TUBB3: variants seen among roughly 807,000 people sequenced by gnomAD.
TUBB3 encodes the protein tubulin beta-3 chain.
A neutral mutation model predicts 37.8 loss-of-function variants in TUBB3; 17 were observed. That is an observed-to-expected ratio of 0.45 (90% CI 0.31 to 0.67). The LOEUF is 0.67. Among genes scored for constraint, TUBB3 ranks in the 30% least tolerant of loss-of-function variants. TUBB3 has a pLI of 0.07. For synonymous variants in TUBB3, 332 were observed against 278.9 expected (o/e 1.19, Z -1.90); for missense variants, 262 against 657.9 (o/e 0.40, Z 6.58).
intron 1 of TUBB3, among the ~76,000 whole-genome samples, chr16:89,929,617 C>T (rs893122676): frequency 6.6e-6 from 1 of 152,236 alleles, no homozygotes; most frequent in Non-Finnish European, 1.5e-5. Context: ...AGAAGCTCCT[C>T]CCAGTCTGGG....
At chr16:89,925,118 AG>A (rs990195534) in intron 1 of TUBB3, among the ~76,000 whole-genome samples, 2 of 152,158 alleles carry the variant, frequency 1.3e-5, no homozygotes, top group African/African-American at 4.8e-5. Context: ...TCTAGAAGTC[AG>A]GTGCACATGC....
intron 1 of TUBB3, among the ~76,000 whole-genome samples, chr16:89,924,786 G>T (rs1210461907): frequency 6.6e-6 from 1 of 152,114 alleles, no homozygotes; most frequent in African/African-American, 2.4e-5. Context: ...CTGGGGGAGG[G>T]GAGACCTGGG....
chr16:89,932,538 G>C, intron 1 of TUBB3, 33 bp from the exon 2 acceptor site: 1 of 1,588,836 alleles, frequency 6.3e-7, no homozygotes, highest in Non-Finnish European at 8.6e-7. Flanking sequence ...CTATGGGCCG[G>C]TGCCGACCCC....
intron 1 of TUBB3, among the ~76,000 whole-genome samples, chr16:89,924,465 CG>C (rs55665107): frequency 0.47 from 66,811 of 140,854 alleles, 16,973 homozygotes; most frequent in African/African-American, 0.73. Context: ...AACAGGGGAT[CG>C]GGGGGGGAGG....
rs758044135 is a variant in TUBB3, at chr16:89,935,213, C to T, written c.762C>T (p.Ala254=). 10 of 1,613,912 alleles carry T rather than the reference C, an allele frequency of 6.2e-6. No individual in the cohort carries two copies. Among genetic ancestry groups the T allele is most frequent in the African/African-American group, 4.0e-5 (3 of 75,076 alleles). ...GQLNADLRKL[A]VNMVPFPRLH... ...TCAACGCTGACCTGCGCAAGCTGGCCGTCAACATGGTGCCCTTCCCGCGCC... is the reference window on the plus strand; with the variant it reads ...TCAACGCTGACCTGCGCAAGCTGGCTGTCAACATGGTGCCCTTCCCGCGCC... The change falls in exon 4 of 4, where the codon GCC becomes GCT. Residue 254 remains alanine (A), a synonymous_variant. Transcript: ENST00000315491.
intron 1 of TUBB3, among the ~76,000 whole-genome samples, chr16:89,929,479 C>G (rs540334803): frequency 1.3e-5 from 2 of 152,030 alleles, no homozygotes; most frequent in Non-Finnish European, 2.9e-5. Context: ...CCATGCTGTC[C>G]GCGTTACAAT....
At chr16:89,929,276 T>A (rs1021739808) in intron 1 of TUBB3, among the ~76,000 whole-genome samples, 76 of 152,190 alleles carry the variant, frequency 5.0e-4, no homozygotes, top group African/African-American at 1.6e-3. Flanking sequence ...ATCATTTTTG[T>A]AATTTAAAAA....
At chr16:89,927,697 A>C (rs770741874) in intron 1 of TUBB3, among the ~76,000 whole-genome samples, 9 of 152,250 alleles carry the variant, frequency 5.9e-5, no homozygotes, top group Non-Finnish European at 1.0e-4. Flanking sequence ...TAAGGCCTGG[A>C]TGTGGGCACC....
At chr16:89,929,077 C>T (rs1464442558) in intron 1 of TUBB3, among the ~76,000 whole-genome samples, 1 of 151,384 alleles carries the variant, frequency 6.6e-6, no homozygotes, top group Non-Finnish European at 1.5e-5. Context: ...ATTCTCGTGT[C>T]TCAGACTCTG....
intron 1 of TUBB3, among the ~76,000 whole-genome samples, chr16:89,929,664 G>C (rs1003003741): frequency 1.3e-5 from 2 of 152,260 alleles, no homozygotes; most frequent in Non-Finnish European, 2.9e-5. Context: ...ACATCTACCA[G>C]AGGCACCCAC....
At chr16:89,923,210 A>C, upstream of TUBB3, 1 of 230,406 alleles carries the variant, frequency 4.3e-6, no homozygotes, top group Non-Finnish European at 8.1e-6. Context: ...GCGGGCGGGG[A>C]CGCGCGGTGC....
chr16:89,925,545 A>G (rs1207806912), intron 1 of TUBB3, among the ~76,000 whole-genome samples: 1 of 152,044 alleles, frequency 6.6e-6, no homozygotes, highest in Non-Finnish European at 1.5e-5. Flanking sequence ...GCAATGAACT[A>G]TGACCGCACC....
At chr16:89,927,109 T>C (rs959260305) in intron 1 of TUBB3, among the ~76,000 whole-genome samples, 1 of 150,996 alleles carries the variant, frequency 6.6e-6, no homozygotes, top group Non-Finnish European at 1.5e-5. Flanking sequence ...GTGCGGTGGC[T>C]CACACCTGTA....
intron 1 of TUBB3, among the ~76,000 whole-genome samples, chr16:89,929,197 A>G (rs1431406261): frequency 1.3e-5 from 2 of 149,714 alleles, no homozygotes; most frequent in African/African-American, 4.9e-5. Flanking sequence ...TCCTGACTTC[A>G]AGTGATCTGC....
rs1014575825 is a variant in TUBB3 at position 89,923,370 on chromosome 16, C to T, written c.-32C>T. On this transcript the variant is annotated 5_prime_UTR_variant, in exon 1 of 4. Coordinates refer to ENST00000315491, the MANE Select transcript of TUBB3 (RefSeq NM_006086.4). ...AGCAGCCAGCCCGGCCCGCCCGCGC[C>T]CGTCCGCAGCCGCCCGCCAGACGCG... 11 of 1,450,360 alleles carry T rather than the reference C, an allele frequency of 7.6e-6. No individual in the cohort carries two copies. The highest frequency in any genetic ancestry group is 1.0e-5 in the Non-Finnish European group (11 of 1,097,044). The allele number at this position is 1,450,360 out of a possible 1,614,324, so 89.8% of individuals were successfully genotyped here. A position where few individuals can be genotyped will look rare whatever the true frequency, so the allele number is the denominator to read the frequency against.
At chr16:89,932,448 C>A in intron 1 of TUBB3, 123 bp from the exon 2 acceptor site, 1 of 753,640 alleles carries the variant, frequency 1.3e-6, no homozygotes, top group South Asian at 1.5e-5. Flanking sequence ...CTGAATGGGG[C>A]TCGTGGAGGC....
rs1246567849 is a variant in TUBB3, at chr16:89,935,792, G to A, written c.1341G>A (p.Gln447=). 1 of 1,613,172 alleles carries A rather than the reference G, an allele frequency of 6.2e-7. No individual in the cohort carries two copies. The highest frequency in any genetic ancestry group is 2.2e-5 in the East Asian group (1 of 44,876). Reference sequence around the variant, plus strand: ...ACGACGAGGAGGAGTCGGAGGCCCAGGGCCCCAAGTGAAGCTGCTCGCAGC... The same window carrying A: ...ACGACGAGGAGGAGTCGGAGGCCCAAGGCCCCAAGTGAAGCTGCTCGCAGC... The part of the protein sequence containing the change: ...YEDDEEESEA[Q]GPK The change falls in exon 4 of 4, where the codon CAG becomes CAA. Residue 447 remains glutamine, a synonymous_variant. Transcript: ENST00000315491.
upstream of TUBB3, among the ~76,000 whole-genome samples, chr16:89,923,083 C>T (rs994493193): frequency 1.3e-5 from 2 of 152,196 alleles, no homozygotes; most frequent in African/African-American, 4.8e-5. Context: ...CCCGGCGCCC[C>T]CACAGCCAGC....
At chr16:89,933,029 GGTGTGAA>G (rs2030329292) in intron 2 of TUBB3, 2 of 476,190 alleles carry the variant, frequency 4.2e-6, no homozygotes, top group South Asian at 4.0e-5. Context: ...TTTAGCAACT[GGTGTGAA>G]GTGATTTCCA....
Sources: gnomAD v4.1 joint callset for allele counts (sites outside exome capture counted in the v4.1 genomes callset) on GRCh38, gnomAD v4.1.1 for gene constraint, MANE v1.5 for transcripts, NCBI Gene and HGNC (gene_info 2026-07-23, HGNC 2026-07-21) for gene names.